Variants in TXNDC11 observed in about 807,000 individuals in gnomAD.
TXNDC11 encodes the protein thioredoxin domain-containing protein 11.
A neutral mutation model predicts 78.0 loss-of-function variants in TXNDC11; 68 were observed. That is an observed-to-expected ratio of 0.87 (90% CI 0.72 to 1.07). TXNDC11 has a LOEUF of 1.07. TXNDC11 is among the 50% of genes least tolerant of loss of function. The pLI is 0.00. For synonymous variants in TXNDC11, 571 were observed against 495.2 expected (o/e 1.15, Z -2.03); for missense variants, 1,389 against 1,221.8 (o/e 1.14, Z -2.04).
intron 1 of TXNDC11, among the ~76,000 whole-genome samples, chr16:11,739,865 C>A (rs1013293191): frequency 6.6e-6 from 1 of 151,912 alleles, no homozygotes; most frequent in Non-Finnish European, 1.5e-5. Flanking sequence ...ACATTTATTT[C>A]AAGCCTGGAG....
intron 5 of TXNDC11, among the ~76,000 whole-genome samples, chr16:11,707,975 T>C (rs1229765750): frequency 6.6e-6 from 1 of 152,016 alleles, no homozygotes; most frequent in African/African-American, 2.4e-5. Flanking sequence ...TCCTAGCTAC[T>C]TGGGAGGCTG....
chr16:11,683,475 C>G (rs931721363), intron 11 of TXNDC11, among the ~76,000 whole-genome samples: 1 of 152,208 alleles, frequency 6.6e-6, no homozygotes, highest in African/African-American at 2.4e-5. Context: ...AACTGAGAGA[C>G]AAGCAAGTGG....
rs8191350 is a variant in TXNDC11, at chr16:11,679,405, G to C, written c.2667C>G (p.Thr889=). ...ELADASENLL[T]ENTWLKILVA... ...CCAGGATCTTGAGCCACGTGTTCTCGGTAAGGAGGTTTTCTGAGGCATCGG... is the reference window on the plus strand; with the variant it reads ...CCAGGATCTTGAGCCACGTGTTCTCCGTAAGGAGGTTTTCTGAGGCATCGG... The change falls in exon 12 of 12, where the codon ACC becomes ACG. Residue 889 remains threonine (T), a synonymous_variant. Coordinates refer to ENST00000283033, the MANE Select transcript of TXNDC11 (RefSeq NM_015914.7). This position sits in a 1 kb window ranked among gnomAD's most constrained non-coding sequence, Gnocchi z 4.6. 6,487 of 1,612,808 alleles carry C rather than the reference G, an allele frequency of 4.0e-3. 239 individuals carry two copies. In the African/African-American group the frequency reaches 0.076, roughly 19 times the overall value.
Position 11,692,101 on chromosome 16 carries a change from TTGG to T in TXNDC11, c.1108-22_1108-20del. ...CGGTGATCTGAAATACAGGGCAGAG[TTGG>T]TGAAGGGCTTGGGGATGACTGAGGG... On this transcript the variant is annotated intron_variant, in intron 7 of 11. Coordinates refer to ENST00000283033, the MANE Select transcript of TXNDC11 (RefSeq NM_015914.7). 1 of 1,513,740 alleles carries T rather than the reference TTGG, an allele frequency of 6.6e-7. No individual in the cohort carries two copies. Among genetic ancestry groups the T allele is most frequent in the Non-Finnish European group, 8.8e-7 (1 of 1,130,890 alleles). The allele number at this position is 1,513,740 out of a possible 1,614,324, so 93.8% of individuals were successfully genotyped here.
intron 4 of TXNDC11, among the ~76,000 whole-genome samples, chr16:11,726,875 G>A (rs1429983080): frequency 2.0e-5 from 3 of 152,002 alleles, no homozygotes; most frequent in Non-Finnish European, 4.4e-5. Context: ...GCCAAATGGT[G>A]AAACCCCATC....
intron 11 of TXNDC11, among the ~76,000 whole-genome samples, chr16:11,680,526 G>C (rs755821800): frequency 6.6e-6 from 1 of 152,186 alleles, no homozygotes; most frequent in African/African-American, 2.4e-5. Flanking sequence ...CTTTGTTCCA[G>C]GTCCTGATCT....
chr16:11,699,178 T>C (rs1461162594), intron 6 of TXNDC11, among the ~76,000 whole-genome samples: 1 of 152,204 alleles, frequency 6.6e-6, no homozygotes, highest in East Asian at 1.9e-4. Flanking sequence ...CCCAGTATTA[T>C]TTCATTTGAT....
chr16:11,734,315 C>T (rs541231130), intron 2 of TXNDC11, among the ~76,000 whole-genome samples: 249 of 152,298 alleles, frequency 1.6e-3, no homozygotes, highest in African/African-American at 5.5e-3. Flanking sequence ...TCTTACCATG[C>T]AATACAGTTC....
At chr16:11,737,443 C>CT (rs1380264972) in intron 1 of TXNDC11, among the ~76,000 whole-genome samples, 1 of 142,788 alleles carries the variant, frequency 7.0e-6, no homozygotes, top group Non-Finnish European at 1.5e-5. Flanking sequence ...AAAACTCCAT[C>CT]TAAAAAAAAA....
intron 4 of TXNDC11, 97 bp downstream of exon 4, chr16:11,730,548 T>C: frequency 7.6e-7 from 1 of 1,307,192 alleles, no homozygotes; most frequent in Non-Finnish European, 1.1e-6. Context: ...TTGCTGCAAT[T>C]CAGGAGGTAT....
At chr16:11,713,110 GAAAAAAAA>G (rs35333554) in intron 5 of TXNDC11, among the ~76,000 whole-genome samples, 2 of 111,814 alleles carry the variant, frequency 1.8e-5, no homozygotes, top group Non-Finnish European at 3.6e-5. Flanking sequence ...TCTGTCTCAG[GAAAAAAAA>G]AAAAAAAAAA....
At position 11,714,503 on chromosome 16, in the gene TXNDC11, G is replaced by A. The variant is rs144656630; in HGVS notation, c.793+7074C>T. ...AAAATACAAAACATTAGCCGGGCGT[G>A]GTGGCGGGCGCCTGTAGTCCCAGCT... On this transcript the variant is annotated intron_variant, in intron 5 of 11. Coordinates refer to ENST00000283033, the MANE Select transcript of TXNDC11 (RefSeq NM_015914.7). Among the ~76,000 whole-genome samples, 418 of 152,264 alleles carry A rather than the reference G, an allele frequency of 2.7e-3. 1 individual carries two copies. Among genetic ancestry groups the A allele is most frequent in the African/African-American group, 9.1e-3 (380 of 41,566 alleles).
intron 5 of TXNDC11, among the ~76,000 whole-genome samples, chr16:11,712,336 C>T (rs935453876): frequency 4.6e-5 from 7 of 152,078 alleles, no homozygotes; most frequent in Admixed American, 3.3e-4. Flanking sequence ...ACTCTGCATG[C>T]GGTTTCTTCC....
chr16:11,694,698 C>A (rs1400330589), intron 7 of TXNDC11, among the ~76,000 whole-genome samples: 1 of 152,192 alleles, frequency 6.6e-6, no homozygotes, highest in Non-Finnish European at 1.5e-5. Context: ...TGTGATCCAC[C>A]CTCCTCAGCC....
chr16:11,684,093 T>C, intron 11 of TXNDC11, 72 bp downstream of exon 11: 3 of 1,077,354 alleles, frequency 2.8e-6, no homozygotes, highest in Non-Finnish European at 4.3e-6. Flanking sequence ...ATTTACATCT[T>C]AAACCCATTT....
In TXNDC11 at chr16:11,687,907, G is replaced by A. The variant is rs996811855; in HGVS notation, c.2103C>T (p.Ile701=). The change falls in exon 10 of 12, where the codon ATC becomes ATT. Residue 701 remains isoleucine, a synonymous_variant. Coordinates refer to ENST00000283033, the MANE Select transcript of TXNDC11 (RefSeq NM_015914.7). ...WCGFCPSLNH[I]FIQLARNLPM... ...GCAGGTTCCGAGCTAGCTGGATGAA[G>A]ATGTGATTGAGGGATGGACAGAAGC... The A allele has an allele frequency of 6.2e-7, 1 of 1,614,012 alleles. No homozygotes were observed. The highest frequency in any genetic ancestry group is 1.1e-5 in the South Asian group (1 of 91,068).
chr16:11,680,240 T>C (rs1397788588), intron 11 of TXNDC11, among the ~76,000 whole-genome samples: 1 of 152,210 alleles, frequency 6.6e-6, no homozygotes, highest in East Asian at 1.9e-4. Flanking sequence ...GTCCCACCTA[T>C]GTCCCTCTTG....
At chr16:11,742,417 C>T (rs922049642) in intron 1 of TXNDC11, 60 bp downstream of exon 1, 4 of 1,301,316 alleles carry the variant, frequency 3.1e-6, no homozygotes, top group Non-Finnish European at 3.9e-6. Context: ...GCCCTGCAGG[C>T]TCCAGGCGGC....
chr16:11,706,955 C>T (rs1168555957), intron 5 of TXNDC11, among the ~76,000 whole-genome samples: 1 of 152,012 alleles, frequency 6.6e-6, no homozygotes, highest in African/African-American at 2.4e-5. Context: ...GAATTTAAAA[C>T]CCACCTATAT....
Sources: allele counts gnomAD v4.1 joint callset (sites outside exome capture counted in the v4.1 genomes callset), GRCh38; gene constraint gnomAD v4.1.1; non-coding constraint Gnocchi (gnomAD v3.1); transcripts MANE v1.5; gene names NCBI Gene and HGNC (gene_info 2026-07-23, HGNC 2026-07-21).